ZNF717: variants seen among roughly 807,000 people sequenced by gnomAD.
The protein encoded by ZNF717 is zinc finger protein 717.
ZNF717 carries 9 observed loss-of-function variants against 13.8 expected under a neutral mutation model. That is an observed-to-expected ratio of 0.65 (90% CI 0.39 to 1.14). The LOEUF is 1.14. Ranked by LOEUF, ZNF717 falls within the 50% of genes most tolerant of loss-of-function variation. ZNF717 has a pLI of 0.01. For synonymous variants in ZNF717, 327 were observed against 364.1 expected, an observed-to-expected ratio of 0.90 and a Z score of 1.16; for missense variants, 1,040 against 1,080.7, an observed-to-expected ratio of 0.96 and a Z score of 0.53.
In ZNF717 at chr3:75,774,200, A is replaced by AAAAAAAGAAAG. The variant is rs1227599777; in HGVS notation, c.57+9105_57+9106insCTTTCTTTTTT. 4.8e-5 allele frequency among the ~76,000 whole-genome samples: 7 copies of AAAAAAAGAAAG among 144,356 alleles called. No individual in the cohort carries two copies. In the South Asian group the frequency reaches 6.7e-4, roughly 14 times the overall value. The allele number at this position is 144,356 out of a possible 152,430, so 94.7% of individuals were successfully genotyped here. On this transcript the variant is annotated intron_variant, in intron 2 of 4. Transcript: ENST00000652011. Reference sequence around the variant, plus strand: ...TGTAAATAAACTACCAAAAAAAAAAAAAAGGAAAAACAAGAGGCAGATTGT... The same window carrying AAAAAAAGAAAG: ...TGTAAATAAACTACCAAAAAAAAAAAAAAAAAGAAAGAAAGGAAAAACAAGAGGCAGATTGT...
intron 2 of ZNF717, among the ~76,000 whole-genome samples, chr3:75,749,816 G>A (rs1941543719): frequency 6.7e-6 from 1 of 148,788 alleles, no homozygotes; most frequent in Non-Finnish European, 1.5e-5. Context: ...CAATCCTGCT[G>A]TGGTCTGAAT....
chr3:75,771,021 C>T (rs1315816314), intron 2 of ZNF717, among the ~76,000 whole-genome samples: 1 of 152,178 alleles, frequency 6.6e-6, no homozygotes, highest in Non-Finnish European at 1.5e-5. Context: ...GGGAAGGACT[C>T]TGTAATTCTA....
chr3:75,719,407 G>A lies in ZNF717; in HGVS notation n.545-2866C>T, dbSNP rs1183331766. ...CCTAGCAAAATGCAGCAAGCACTAG[G>A]AATTTTCTATTTCAGTGCCTTAGGC... On this transcript the variant is annotated intron_variant and non_coding_transcript_variant, in intron 4 of 5. Transcript: ENST00000491507. 9.2e-5 allele frequency among the ~76,000 whole-genome samples: 14 copies of A among 152,246 alleles called. No homozygotes were observed. In the East Asian group the frequency reaches 2.3e-3, roughly 25 times the overall value.
chr3:75,714,523 G>A (rs115823579), intron 5 of ZNF717, among the ~76,000 whole-genome samples: 1 of 151,544 alleles, frequency 6.6e-6, no homozygotes, highest in African/African-American at 2.4e-5. Context: ...ATAATCATAT[G>A]TATGATCTAT....
At chr3:75,745,938 T>C (rs1941129988) in intron 2 of ZNF717, among the ~76,000 whole-genome samples, 1 of 152,164 alleles carries the variant, frequency 6.6e-6, no homozygotes. Context: ...GTTTCTTACA[T>C]ATGTATACGT....
Position 75,738,274 on chromosome 3 carries a change from G to A in ZNF717, c.1349C>T (p.Pro450Leu), listed in dbSNP as rs781298305. 314 of 1,552,922 alleles carry A rather than the reference G, an allele frequency of 2.0e-4. No homozygotes were observed. Among genetic ancestry groups the A allele is most frequent in the African/African-American group, 1.8e-4 (13 of 73,108 alleles). ...VHQRTHTGEK[P>L]YECNECGKPF... ...TTTTCCACACTCATTACATTCATACGGTTTTTCCCCTGTGTGTGTTCTCTG... is the reference window on the plus strand; with the variant it reads ...TTTTCCACACTCATTACATTCATACAGTTTTTCCCCTGTGTGTGTTCTCTG... The change falls in exon 5 of 5, where the codon CCG becomes CTG. Residue 450 changes from proline (P) to leucine (L), a missense_variant. Coordinates refer to ENST00000652011, the MANE Select transcript of ZNF717 (RefSeq NM_001290208.3).
At chr3:75,726,967 T>C (rs1938294070), downstream of ZNF717, among the ~76,000 whole-genome samples, 5 of 152,216 alleles carry the variant, frequency 3.3e-5, no homozygotes, top group Non-Finnish European at 5.9e-5. Context: ...TATATTACCA[T>C]GGTCCCCTAA....
intron 4 of ZNF717, among the ~76,000 whole-genome samples, chr3:75,723,677 C>T (rs1438291074): frequency 6.6e-6 from 1 of 152,214 alleles, no homozygotes; most frequent in Admixed American, 6.5e-5. Flanking sequence ...CTGTCATGCC[C>T]GGACACAGCC....
At chr3:75,718,324 C>T (rs79633753) in intron 4 of ZNF717, among the ~76,000 whole-genome samples, 10 of 152,174 alleles carry the variant, frequency 6.6e-5, no homozygotes, top group African/African-American at 1.9e-4. Context: ...GGAAGACATT[C>T]GGCTGGGCTC....
chr3:75,708,524 C>A (rs111848651), downstream of ZNF717, among the ~76,000 whole-genome samples: 19 of 152,032 alleles, frequency 1.2e-4, no homozygotes, highest in East Asian at 2.3e-3. Context: ...GGAAAAAACA[C>A]AGCAGAAAAA....
At chr3:75,708,450 A>G (rs1221982529), downstream of ZNF717, among the ~76,000 whole-genome samples, 27 of 152,334 alleles carry the variant, frequency 1.8e-4, no homozygotes, top group Non-Finnish European at 2.9e-4. Context: ...GGACATCTAC[A>G]CCAAAAACCC....
chr3:75,697,160 A>C (rs1937612830), intron 6 of ZNF717, among the ~76,000 whole-genome samples: 2 of 152,304 alleles, frequency 1.3e-5, no homozygotes, highest in Admixed American at 6.5e-5. Flanking sequence ...ATTCAACATA[A>C]TTCTGAAAGT....
At chr3:75,765,424 T>C (rs936238675) in intron 2 of ZNF717, among the ~76,000 whole-genome samples, 7 of 152,214 alleles carry the variant, frequency 4.6e-5, no homozygotes, top group African/African-American at 1.7e-4. Flanking sequence ...AAAATGATCT[T>C]TTTTGATACA....
chr3:75,783,407 T>A lies in ZNF717; in HGVS notation c.-2-43A>T, dbSNP rs181498630. 175 of 1,477,716 alleles carry A rather than the reference T, an allele frequency of 1.2e-4. 1 individual carries two copies. In the East Asian group the frequency reaches 2.1e-3, roughly 18 times the overall value. 91.5% of individuals were successfully genotyped at this position (1,477,716 alleles called of 1,614,324 possible). On this transcript the variant is annotated intron_variant, in intron 1 of 4. Coordinates refer to ENST00000652011, the MANE Select transcript of ZNF717 (RefSeq NM_001290208.3). ...TGACGTGAATTAAGGAGAGAACTGGTGTGGTGTGGTCCCAGATTCTTCTGC... is the reference window on the plus strand; with the variant it reads ...TGACGTGAATTAAGGAGAGAACTGGAGTGGTGTGGTCCCAGATTCTTCTGC...
At chr3:75,744,507 T>C (rs1183267261) in intron 2 of ZNF717, among the ~76,000 whole-genome samples, 2 of 152,352 alleles carry the variant, frequency 1.3e-5, no homozygotes, top group South Asian at 2.1e-4. Context: ...TAGGACTTAA[T>C]AGCTTACAGG....
chr3:75,770,326 C>T (rs1943790357), intron 2 of ZNF717, among the ~76,000 whole-genome samples: 1 of 152,174 alleles, frequency 6.6e-6, no homozygotes, highest in African/African-American at 2.4e-5. Context: ...TTTGGGAGGC[C>T]GAGGCGGGCA....
chr3:75,740,647 T>A, intron 4 of ZNF717, among the ~76,000 whole-genome samples: 1 of 148,472 alleles, frequency 6.7e-6, no homozygotes, highest in East Asian at 2.0e-4. Flanking sequence ...GCCTGGGCAA[T>A]AGAACAAGAC....
chr3:75,769,750 C>T (rs1186805029), intron 2 of ZNF717, among the ~76,000 whole-genome samples: 2 of 152,268 alleles, frequency 1.3e-5, no homozygotes, highest in African/African-American at 4.8e-5. Context: ...AAGAAATCAA[C>T]TAGTTTTAGT....
chr3:75,776,560 G>C (rs568614438), intron 2 of ZNF717, among the ~76,000 whole-genome samples: 2 of 152,336 alleles, frequency 1.3e-5, no homozygotes, highest in South Asian at 4.1e-4. Context: ...TCTAGAATCT[G>C]ATGACTGGAT....
Sources: allele counts gnomAD v4.1 joint callset (sites outside exome capture counted in the v4.1 genomes callset), GRCh38; gene constraint gnomAD v4.1.1; transcripts MANE v1.5; gene names NCBI Gene and HGNC (gene_info 2026-07-23, HGNC 2026-07-21).